ANTXR1: variants seen among roughly 807,000 people sequenced by gnomAD.
The protein encoded by ANTXR1 is anthrax toxin receptor 1.
A neutral mutation model predicts 78.1 loss-of-function variants in ANTXR1; 19 were observed. The ratio of observed to expected loss-of-function variants is 0.24; its 90% CI spans 0.17 to 0.36. ANTXR1 has a LOEUF of 0.36. Among genes scored for constraint, ANTXR1 ranks in the 10% least tolerant of loss-of-function variants. The pLI is 1.00. For synonymous variants in ANTXR1, 273 were observed against 260.5 expected, an observed-to-expected ratio of 1.05 and a Z score of -0.46; for missense variants, 518 against 718.6, an observed-to-expected ratio of 0.72 and a Z score of 3.19.
At chr2:69,021,516 T>G (rs1671189722) in intron 1 of ANTXR1, among the ~76,000 whole-genome samples, 1 of 152,196 alleles carries the variant, frequency 6.6e-6, no homozygotes, top group Admixed American at 6.5e-5. Flanking sequence ...GATTCCTTCC[T>G]GATACCTCCT....
chr2:69,206,798 T>G (rs1305429608), intron 17 of ANTXR1, among the ~76,000 whole-genome samples: 1 of 152,214 alleles, frequency 6.6e-6, no homozygotes, highest in African/African-American at 2.4e-5. Flanking sequence ...CCTCATCAGC[T>G]GCACTAGTGT....
At chr2:69,135,055 G>A (rs1185562988) in intron 12 of ANTXR1, 1 of 414,670 alleles carries the variant, frequency 2.4e-6, no homozygotes, top group Non-Finnish European at 5.0e-6. Context: ...GAATATCAGA[G>A]TGCGGAACTC....
chr2:69,138,541 C>T (rs1672980841), intron 12 of ANTXR1, among the ~76,000 whole-genome samples: 1 of 152,212 alleles, frequency 6.6e-6, no homozygotes, highest in Non-Finnish European at 1.5e-5. Flanking sequence ...GGTATATAAA[C>T]ACCTTCCCTT....
rs10536364 is a variant in ANTXR1 at position 69,015,272 on chromosome 2, C to CAAAAA, written c.152+1631_152+1635dup. ...CAAAATGATTCTAGGCTTATCTTAG[C>CAAAAA]AAAAAAAAAAAAAACAGGTAAAAAG... On this transcript the variant is annotated intron_variant, in intron 1 of 17. Transcript: ENST00000303714. 0.013 allele frequency among the ~76,000 whole-genome samples: 1,202 copies of CAAAAA among 91,714 alleles called. 28 individuals carry two copies. The East Asian group carries it at 0.14, about 11-fold the overall frequency. 60.2% of individuals were successfully genotyped at this position (91,714 alleles called of 152,430 possible).
intron 12 of ANTXR1, among the ~76,000 whole-genome samples, chr2:69,134,526 A>T (rs1240807716): frequency 6.6e-6 from 1 of 152,182 alleles, no homozygotes; most frequent in Non-Finnish European, 1.5e-5. Context: ...TGTAATCACC[A>T]TTCATGCCTC....
intron 12 of ANTXR1, 138 bp downstream of exon 12, chr2:69,124,781 C>A: frequency 1.2e-6 from 1 of 848,162 alleles, no homozygotes. Flanking sequence ...TTGATCCCAG[C>A]ACTGCTCCAC....
chr2:69,046,553 C>T (rs1669775543), intron 3 of ANTXR1, among the ~76,000 whole-genome samples: 1 of 152,136 alleles, frequency 6.6e-6, no homozygotes, highest in East Asian at 1.9e-4. Context: ...CCAAAAATGC[C>T]TTGCTGAAGG....
At chr2:69,146,099 G>A in intron 12 of ANTXR1, 1 of 985,490 alleles carries the variant, frequency 1.0e-6, no homozygotes, top group Non-Finnish European at 1.2e-6. Context: ...ATGCCCGAAT[G>A]AAGGAGCGGG....
At chr2:69,145,397 C>A in intron 12 of ANTXR1, 1 of 1,584,804 alleles carries the variant, frequency 6.3e-7, no homozygotes, top group Non-Finnish European at 8.6e-7. Context: ...CGCCTGCTCC[C>A]TCCGGACAGC....
chr2:69,119,035 CCT>C (rs1324950649), intron 10 of ANTXR1, among the ~76,000 whole-genome samples: 1 of 151,980 alleles, frequency 6.6e-6, no homozygotes, highest in Non-Finnish European at 1.5e-5. Context: ...GTGAGATTTT[CCT>C]CTGTTTTGCT....
At position 69,152,155 on chromosome 2, in the gene ANTXR1, T is replaced by A; in HGVS notation, c.952-14T>A. The A allele has an allele frequency of 6.2e-7, 1 of 1,613,678 alleles. No homozygotes were observed. Among genetic ancestry groups the A allele is most frequent in the South Asian group, 1.1e-5 (1 of 91,074 alleles). ...CCCATCCCGCTGCTGACCGCCTCTC[T>A]CTTGGCCCTGCAGTCTGACGGTTCC... On this transcript the variant is annotated splice_polypyrimidine_tract_variant and intron_variant, in intron 12 of 17. Coordinates refer to ENST00000303714, the MANE Select transcript of ANTXR1 (RefSeq NM_032208.3).
intron 10 of ANTXR1, among the ~76,000 whole-genome samples, chr2:69,116,608 C>G (rs570958326): frequency 6.6e-6 from 1 of 152,234 alleles, no homozygotes; most frequent in African/African-American, 2.4e-5. Flanking sequence ...GGAGAAACAG[C>G]AAGGCGAGCT....
intron 12 of ANTXR1, among the ~76,000 whole-genome samples, chr2:69,128,728 G>T (rs372266014): frequency 6.6e-6 from 1 of 152,326 alleles, no homozygotes; most frequent in East Asian, 1.9e-4. Context: ...ATGAAGTAAG[G>T]TCTTGGACTT....
intron 17 of ANTXR1, among the ~76,000 whole-genome samples, chr2:69,219,225 C>T (rs927409345): frequency 1.3e-5 from 2 of 152,258 alleles, no homozygotes; most frequent in Admixed American, 6.5e-5. Flanking sequence ...AGAGCATGCA[C>T]AAGCAAAATG....
At chr2:69,145,895 T>C in intron 12 of ANTXR1, 8 of 985,872 alleles carry the variant, frequency 8.1e-6, no homozygotes, top group Non-Finnish European at 9.6e-6. Flanking sequence ...ATTGCCTATA[T>C]TCCACCTGCC....
At chr2:69,110,543 G>T (rs1172664567) in intron 10 of ANTXR1, among the ~76,000 whole-genome samples, 4 of 152,074 alleles carry the variant, frequency 2.6e-5, no homozygotes, top group African/African-American at 9.7e-5. Context: ...TTAATAATAT[G>T]GCAAAAATAA....
intron 12 of ANTXR1, among the ~76,000 whole-genome samples, chr2:69,126,761 A>C (rs532043234): frequency 2.8e-4 from 42 of 152,302 alleles, no homozygotes; most frequent in Middle Eastern, 3.4e-3. Flanking sequence ...ATGCATTGCA[A>C]AATTAGAAGA....
chr2:69,214,488 T>C (rs986533897), intron 17 of ANTXR1, among the ~76,000 whole-genome samples: 1 of 152,192 alleles, frequency 6.6e-6, no homozygotes, highest in African/African-American at 2.4e-5. Context: ...AATTCAGTCA[T>C]AGAAAGTACA....
At chr2:69,107,248 G>C (rs1425195185) in intron 10 of ANTXR1, among the ~76,000 whole-genome samples, 2 of 152,054 alleles carry the variant, frequency 1.3e-5, no homozygotes, top group African/African-American at 2.4e-5. Context: ...TGTTTTGTGT[G>C]GTTTTTTTTG....
Sources: allele counts gnomAD v4.1 joint callset (sites outside exome capture counted in the v4.1 genomes callset), GRCh38; gene constraint gnomAD v4.1.1; transcripts MANE v1.5; gene names NCBI Gene and HGNC (gene_info 2026-07-23, HGNC 2026-07-21).